DNAH14: variants seen among roughly 807,000 people sequenced by gnomAD.
DNAH14 encodes the protein axonemal beta dynein heavy chain 14.
A neutral mutation model predicts 520.9 loss-of-function variants in DNAH14; 478 were observed. The ratio of observed to expected loss-of-function variants is 0.92; its 90% confidence interval spans 0.85 to 0.99. DNAH14 has a LOEUF of 0.99. Among genes scored for constraint, DNAH14 ranks in the 50% least tolerant of loss-of-function variants. DNAH14 has a pLI of 0.00. For synonymous variants in DNAH14, 1,581 were observed against 1,757.2 expected, an observed-to-expected ratio of 0.90 and a Z score of 2.51; for missense variants, 4,831 against 5,234.5, an observed-to-expected ratio of 0.92 and a Z score of 2.38.
chr1:224,985,940 T>C (rs1393284063), intron 8 of DNAH14, among the ~76,000 whole-genome samples: 1 of 151,860 alleles, frequency 6.6e-6, no homozygotes, highest in East Asian at 1.9e-4. Context: ...CTAAGAGTTA[T>C]TGGCCTTAAA....
In DNAH14 at chr1:225,351,852, A is replaced by T; in HGVS notation, c.11502A>T (p.Ser3834=). The T allele has an allele frequency of 6.4e-7, 1 of 1,551,136 alleles. No homozygotes were observed. The change falls in exon 72 of 86, where the codon TCA becomes TCT. Residue 3834 remains serine, a synonymous_variant. Transcript: ENST00000682510. ...CACCTTTCTCTTCAGAAAATGCTTC[A>T]TTGGAGGAAAATACAAAACCACCAG... ...ISTPFSSENA[S]LEENTKPPEE...
intron 27 of DNAH14, among the ~76,000 whole-genome samples, chr1:225,131,322 T>G (rs1373482483): frequency 6.6e-6 from 1 of 152,206 alleles, no homozygotes; most frequent in Non-Finnish European, 1.5e-5. Flanking sequence ...AAGATCAAGG[T>G]GTCAGCAAAG....
intron 7 of DNAH14, among the ~76,000 whole-genome samples, chr1:224,973,467 CATAAT>C (rs1167465258): frequency 2.6e-5 from 4 of 152,178 alleles, no homozygotes; most frequent in African/African-American, 7.2e-5. Flanking sequence ...CCCACACGTG[CATAAT>C]ATAGGTGGCC....
chr1:225,267,776 T>C (rs2093171301), intron 49 of DNAH14, among the ~76,000 whole-genome samples: 2 of 151,886 alleles, frequency 1.3e-5, no homozygotes, highest in Admixed American at 6.6e-5. Flanking sequence ...TCAGACAAAC[T>C]TGGGCCCAGG....
intron 1 of DNAH14, among the ~76,000 whole-genome samples, chr1:224,951,399 ATT>A (rs35121883): frequency 6.8e-6 from 1 of 146,948 alleles, no homozygotes; most frequent in Non-Finnish European, 1.5e-5. Context: ...TGATTTAGGG[ATT>A]TTTTTTTTTT....
intron 69 of DNAH14, among the ~76,000 whole-genome samples, chr1:225,342,016 A>G (rs376789661): frequency 3.9e-4 from 59 of 152,248 alleles, no homozygotes; most frequent in African/African-American, 1.3e-3. Context: ...CTGAATCTGA[A>G]CTTCCGCACA....
Position 225,236,316 on chromosome 1 carries a change from T to C in DNAH14, c.6519-4277T>C, listed in dbSNP as rs112834782. ...GTCATTGAGGAGCACGTTGTTCAAT[T>C]TACAGGTAGTTGTGTGGTTTTGAGT... On this transcript the variant is annotated intron_variant, in intron 42 of 85. Transcript: ENST00000682510. Among the ~76,000 whole-genome samples the C allele has an allele frequency of 2.6e-5, 4 of 152,330 alleles. No individual in the cohort carries two copies. The East Asian group carries it at 7.7e-4, about 29-fold the overall frequency.
At chr1:225,101,949 A>G (rs529493273) in intron 23 of DNAH14, among the ~76,000 whole-genome samples, 114 of 151,620 alleles carry the variant, frequency 7.5e-4, no homozygotes, top group African/African-American at 2.3e-3. Flanking sequence ...CGTGCAGGTT[A>G]GTTACATATG....
chr1:225,310,456 T>A (rs1010752474), intron 60 of DNAH14, among the ~76,000 whole-genome samples: 7 of 152,186 alleles, frequency 4.6e-5, no homozygotes, highest in Non-Finnish European at 1.0e-4. Flanking sequence ...TTTTTAAATA[T>A]TTTTTATTTT....
chr1:225,235,543 G>C (rs1471696238), intron 42 of DNAH14, among the ~76,000 whole-genome samples: 1 of 152,064 alleles, frequency 6.6e-6, no homozygotes, highest in East Asian at 1.9e-4. Context: ...TCAGAATAAT[G>C]ATGGCCTCAG....
chr1:225,378,621 G>A (rs191847500), intron 79 of DNAH14, among the ~76,000 whole-genome samples: 1 of 152,148 alleles, frequency 6.6e-6, no homozygotes, highest in Non-Finnish European at 1.5e-5. Flanking sequence ...GTGGGCTCAC[G>A]CCTGTGATGC....
chr1:225,347,794 G>T (rs1241715312), intron 71 of DNAH14, among the ~76,000 whole-genome samples: 1 of 152,104 alleles, frequency 6.6e-6, no homozygotes, highest in Non-Finnish European at 1.5e-5. Flanking sequence ...TGGAAAAAAA[G>T]ATACATAAGG....
At chr1:225,000,289 C>G (rs1416839293) in intron 8 of DNAH14, among the ~76,000 whole-genome samples, 1 of 152,068 alleles carries the variant, frequency 6.6e-6, no homozygotes, top group Non-Finnish European at 1.5e-5. Context: ...TGTTTTTCCT[C>G]TTGCTGATTT....
chr1:225,363,014 G>GT (rs948511057), intron 75 of DNAH14, among the ~76,000 whole-genome samples: 38 of 150,754 alleles, frequency 2.5e-4, no homozygotes, highest in Admixed American at 4.6e-4. Context: ...TTTGTATTGT[G>GT]TTTTTTTTTC....
chr1:225,277,498 T>A lies in DNAH14; in HGVS notation c.8267T>A (p.Leu2756Ter), dbSNP rs2093514875. The stretch of plus-strand genomic sequence containing the variant: ...CTTCGACAACCAGGGAGTCACATGT[T>A]ACTGGTAGGAATTTAAATTTTTCAA... The part of the protein sequence containing the change: ...RVLRQPGSHM[L>*]LIGIDGCGKK... The change falls in exon 54 of 86, where the codon TTA (leucine) becomes TAA (stop). Residue 2756 changes from leucine to a stop codon, truncating the protein, a stop_gained. Coordinates refer to ENST00000682510, the MANE Select transcript of DNAH14 (RefSeq NM_001367479.1). LOFTEE classifies it high-confidence loss of function. The A allele has an allele frequency of 2.1e-6, 1 of 471,050 alleles. No homozygotes were observed. Among genetic ancestry groups the A allele is most frequent in the African/African-American group, 2.0e-5 (1 of 50,214 alleles). 29.2% of individuals were successfully genotyped at this position (471,050 alleles called of 1,614,324 possible).
intron 43 of DNAH14, among the ~76,000 whole-genome samples, chr1:225,243,341 T>C (rs7519130): frequency 0.049 from 7,472 of 151,344 alleles, 557 homozygotes; most frequent in African/African-American, 0.17. Flanking sequence ...GAAGCAATTA[T>C]AGAACTATAA....
At chr1:225,224,396 G>T (rs565507629) in intron 41 of DNAH14, among the ~76,000 whole-genome samples, 4 of 151,954 alleles carry the variant, frequency 2.6e-5, no homozygotes, top group African/African-American at 9.7e-5. Context: ...TTTCTAAAAT[G>T]GGTTTTTTTA....
rs748157568 is a variant in DNAH14 at position 225,051,522 on chromosome 1, G to A, written c.2151G>A (p.Lys717=). The A allele has an allele frequency of 1.3e-6, 2 of 1,550,616 alleles. No homozygotes were observed. The highest frequency in any genetic ancestry group is 1.7e-6 in the Non-Finnish European group (2 of 1,146,576). The change falls in exon 17 of 86, where the codon AAG becomes AAA. Residue 717 remains lysine (K), a synonymous_variant. Coordinates refer to ENST00000682510, the MANE Select transcript of DNAH14 (RefSeq NM_001367479.1). ...ATGCTTACAGCCACAAGTTTATAAA[G>A]TATTGTACCATGACAGAAAAGGCCA... The part of the protein sequence containing the change: ...LVNAYSHKFI[K]YCTMTEKAKI...
chr1:225,381,973 A>C (rs1407700407), intron 81 of DNAH14, among the ~76,000 whole-genome samples: 1 of 152,256 alleles, frequency 6.6e-6, no homozygotes, highest in Non-Finnish European at 1.5e-5. Flanking sequence ...AAAATGTATT[A>C]GACCAGGAAT....
Sources: allele counts gnomAD v4.1 joint callset (sites outside exome capture counted in the v4.1 genomes callset), GRCh38; gene constraint gnomAD v4.1.1; transcripts MANE v1.5; gene names NCBI Gene and HGNC (gene_info 2026-07-23, HGNC 2026-07-21).